IYD: variants seen among roughly 807,000 people sequenced by gnomAD.
The protein encoded by IYD is iodotyrosine deiodinase, also known as iodotyrosine deiodinase 1.
A neutral mutation model predicts 28.4 loss-of-function variants in IYD; 25 were observed. That is an observed-to-expected ratio of 0.88 (90% CI 0.64 to 1.23). The LOEUF is 1.23. Among genes scored for constraint, IYD ranks in the 50% most tolerant of loss-of-function variants. The pLI is 0.00. For missense variants in IYD, 352 were observed against 357.9 expected (o/e 0.98, Z 0.13); for synonymous variants, 140 against 130.8 (o/e 1.07, Z -0.48).
chr6:150,395,453 A>G, intron 4 of IYD: 1 of 1,537,240 alleles, frequency 6.5e-7, no homozygotes, highest in South Asian at 1.2e-5. Flanking sequence ...ATCTGTAAGC[A>G]GGTAAATAAT....
rs1050449290 is a variant in IYD at position 150,405,112 on chromosome 6, T to C, written c.*6875T>C. 6.6e-6 allele frequency: 1 copy of C among 152,284 alleles called. No individual in the cohort carries two copies. The highest frequency in any genetic ancestry group is 2.4e-5 in the African/African-American group (1 of 41,486). The allele number at this position is 152,284 out of a possible 1,614,324, so 9.4% of individuals were successfully genotyped here. ...AAAGGGACATGGGAATCTGTGTTTTTAACGTGTTCCAGGTGATTCTGCTGA... is the reference window on the plus strand; with the variant it reads ...AAAGGGACATGGGAATCTGTGTTTTCAACGTGTTCCAGGTGATTCTGCTGA... On this transcript the variant is annotated 3_prime_UTR_variant, in exon 5 of 5. Transcript: ENST00000344419.
chr6:150,392,290 C>T, intron 2 of IYD, 55 bp from the exon 3 acceptor site: 1 of 1,609,746 alleles, frequency 6.2e-7, no homozygotes, highest in Non-Finnish European at 8.5e-7. Context: ...CCTTAATTAG[C>T]AGTCTCACAC....
At chr6:150,396,451 T>C (rs1212170959) in intron 4 of IYD, 1 of 693,656 alleles carries the variant, frequency 1.4e-6, no homozygotes, top group Non-Finnish European at 2.6e-6. Flanking sequence ...AATTGTTTAA[T>C]ATGGTCTGTG....
chr6:150,390,211 C>T lies in IYD; in HGVS notation c.370+668C>T, dbSNP rs149851733. 5.6e-3 allele frequency among the ~76,000 whole-genome samples: 852 copies of T among 152,150 alleles called. 16 individuals are homozygous for T. The highest frequency in any genetic ancestry group is 0.02 in the African/African-American group (822 of 41,500). On this transcript the variant is annotated intron_variant, in intron 2 of 4. Coordinates refer to ENST00000344419, the MANE Select transcript of IYD (RefSeq NM_203395.3). The stretch of plus-strand genomic sequence containing the variant: ...TTATTTGCAAAAATTATCACATGCC[C>T]GTTATTAATCTATTGTCCAATGTGA...
At chr6:150,388,223 G>T (rs1285105981) in intron 1 of IYD, among the ~76,000 whole-genome samples, 1 of 152,178 alleles carries the variant, frequency 6.6e-6, no homozygotes, top group Non-Finnish European at 1.5e-5. Flanking sequence ...ACTTATGATT[G>T]ACACTTCCCC....
chr6:150,388,198 G>A (rs1006899303), intron 1 of IYD, among the ~76,000 whole-genome samples: 2 of 152,148 alleles, frequency 1.3e-5, no homozygotes, highest in Non-Finnish European at 2.9e-5. Context: ...GATATAAACC[G>A]TTGAGGAATA....
chr6:150,395,503 C>A (rs763820757), intron 4 of IYD: 4 of 1,537,312 alleles, frequency 2.6e-6, no homozygotes, highest in Middle Eastern at 1.7e-4. Context: ...GCACCGCCAC[C>A]TGATTGAGGG....
chr6:150,394,569 A>T (rs1032420469), intron 4 of IYD, among the ~76,000 whole-genome samples: 3 of 152,192 alleles, frequency 2.0e-5, no homozygotes, highest in African/African-American at 7.2e-5. Flanking sequence ...CACAGAGGCT[A>T]ACTCCCTGGA....
At position 150,404,168 on chromosome 6, in the gene IYD, G is replaced by A. The variant is rs927553871; in HGVS notation, c.*5931G>A. 1.3e-5 allele frequency: 2 copies of A among 152,222 alleles called. No homozygotes were observed. The highest frequency in any genetic ancestry group is 3.8e-4 in the East Asian group (2 of 5,206). The allele number at this position is 152,222 out of a possible 1,614,324, so 9.4% of individuals were successfully genotyped here. A position where few individuals can be genotyped will look rare whatever the true frequency, so the allele number is the denominator to read the frequency against. ...TTGTGGGCATGAGTCCTTGACAATA[G>A]TAAATAGCACCTCTGTTCCCTTATT... is the stretch of plus-strand genomic sequence containing the variant. On this transcript the variant is annotated 3_prime_UTR_variant, in exon 5 of 5. Coordinates refer to ENST00000344419, the MANE Select transcript of IYD (RefSeq NM_203395.3).
At chr6:150,383,086 G>A (rs1280061210) in intron 1 of IYD, among the ~76,000 whole-genome samples, 1 of 152,128 alleles carries the variant, frequency 6.6e-6, no homozygotes, top group Non-Finnish European at 1.5e-5. Flanking sequence ...TTATTTCCAG[G>A]GAAAATGCAC....
intron 1 of IYD, among the ~76,000 whole-genome samples, chr6:150,388,191 A>G (rs1777949047): frequency 6.6e-6 from 1 of 152,254 alleles, no homozygotes; most frequent in Admixed American, 6.5e-5. Context: ...TCAAACTGAT[A>G]TAAACCGTTG....
At chr6:150,388,636 T>TTTC (rs1179811430) in intron 1 of IYD, among the ~76,000 whole-genome samples, 94 of 51,224 alleles carry the variant, frequency 1.8e-3, no homozygotes, top group African/African-American at 4.2e-3. Context: ...TTTTGCTTTC[T>TTTC]TTCTTTCTTT....
At chr6:150,382,565 TCTC>T (rs1777686536) in intron 1 of IYD, among the ~76,000 whole-genome samples, 4 of 126,274 alleles carry the variant, frequency 3.2e-5, no homozygotes, top group Admixed American at 8.0e-5. Flanking sequence ...CTCTCTCTCT[TCTC>T]CTTTCAGGAC....
At chr6:150,390,028 A>C (rs9397303) in intron 2 of IYD, among the ~76,000 whole-genome samples, 26,969 of 152,160 alleles carry the variant, frequency 0.18, 5,005 homozygotes, top group African/African-American at 0.46. Flanking sequence ...GCACAGTAAA[A>C]CAAAGCAAGA....
rs979908341 is a variant in IYD at position 150,398,747 on chromosome 6, G to C, written c.*510G>C. The C allele has an allele frequency of 6.4e-6, 1 of 155,432 alleles. No individual in the cohort carries two copies. Among genetic ancestry groups the C allele is most frequent in the African/African-American group, 2.4e-5 (1 of 41,332 alleles). The allele number at this position is 155,432 out of a possible 1,614,324, so 9.6% of individuals were successfully genotyped here. A position where few individuals can be genotyped will look rare whatever the true frequency, so the allele number is the denominator to read the frequency against. ...TAGTTTTGAATAAGTAACCATCAAAGTTACTAAAACATGGCCAGGCGCAGT... is the reference window on the plus strand; with the variant it reads ...TAGTTTTGAATAAGTAACCATCAAACTTACTAAAACATGGCCAGGCGCAGT... On this transcript the variant is annotated 3_prime_UTR_variant, in exon 5 of 5. Transcript: ENST00000344419.
intron 4 of IYD, among the ~76,000 whole-genome samples, chr6:150,397,116 C>A (rs1778352298): frequency 6.6e-6 from 1 of 152,044 alleles, no homozygotes; most frequent in Non-Finnish European, 1.5e-5. Context: ...TATATTGAGT[C>A]ACTCTAGATT....
In IYD at chr6:150,389,475, G is replaced by A. The variant is rs765900264; in HGVS notation, c.302G>A (p.Arg101Gln). ...QEFYELLNKR[R>Q]SVRFISNEQV... ...TTTTATGAACTTCTCAATAAGAGAC[G>A]GTCAGTCAGGTTCATAAGTAATGAG... Residue 101 changes from arginine to glutamine, a missense_variant, in exon 2 of 5, where the codon CGG (arginine) becomes CAG (glutamine). Coordinates refer to ENST00000344419, the MANE Select transcript of IYD (RefSeq NM_203395.3). 8.7e-6 allele frequency: 14 copies of A among 1,613,786 alleles called. No homozygotes were observed. Among genetic ancestry groups the A allele is most frequent in the African/African-American group, 8.0e-5 (6 of 74,892 alleles).
At chr6:150,389,586 T>C in intron 2 of IYD, 43 bp downstream of exon 2, 1 of 1,497,890 alleles carries the variant, frequency 6.7e-7, no homozygotes, top group Non-Finnish European at 9.3e-7. Context: ...TTAGTCACCT[T>C]ACTGGTGTGA....
At chr6:150,397,282 A>G (rs12530375) in intron 4 of IYD, among the ~76,000 whole-genome samples, 23,647 of 151,898 alleles carry the variant, frequency 0.16, 3,661 homozygotes, top group African/African-American at 0.38. Context: ...TTTAGCAGGA[A>G]AATTGGCCAG....
Sources: gnomAD v4.1 joint callset for allele counts (sites outside exome capture counted in the v4.1 genomes callset) on GRCh38, gnomAD v4.1.1 for gene constraint, MANE v1.5 for transcripts, NCBI Gene and HGNC (gene_info 2026-07-23, HGNC 2026-07-21) for gene names.